The following TMEM236 variants were observed in gnomAD, a reference collection of about 807,000 sequenced individuals.
The protein encoded by TMEM236 is transmembrane protein 236, also known as family with sequence similarity 23, member A.
In TMEM236, 11 loss-of-function variants were observed where a neutral mutation model predicts 14.7. That is an observed-to-expected ratio of 0.75 (90% CI 0.47 to 1.24). TMEM236 has a LOEUF of 1.24. TMEM236 is among the 50% of genes most tolerant of loss of function. The pLI, the probability that TMEM236 is intolerant of heterozygous loss-of-function variation, is 0.00. For missense variants in TMEM236, 464 were observed against 427.3 expected, an observed-to-expected ratio of 1.09 and a Z score of -0.76; for synonymous variants, 182 against 168.6, an observed-to-expected ratio of 1.08 and a Z score of -0.62.
chr10:17,780,198 C>T (rs2131756354), intron 3 of TMEM236, among the ~76,000 whole-genome samples: 1 of 152,278 alleles, frequency 6.6e-6, no homozygotes, highest in Non-Finnish European at 1.5e-5. Context: ...GAGCCAGACT[C>T]CTTTGAGGCA....
chr10:17,782,139 A>G (rs1837761073), intron 3 of TMEM236, among the ~76,000 whole-genome samples: 1 of 150,050 alleles, frequency 6.7e-6, no homozygotes, highest in Non-Finnish European at 1.5e-5. Flanking sequence ...AGGCAGAGTG[A>G]CCCGTCTTGG....
chr10:17,768,377 A>G (rs1248676308), intron 1 of TMEM236, among the ~76,000 whole-genome samples: 3 of 152,198 alleles, frequency 2.0e-5, no homozygotes, highest in Non-Finnish European at 2.9e-5. Flanking sequence ...TTAAAAAAGA[A>G]CCATAAACTG....
rs2130548459 is a variant in TMEM236, at chr10:17,800,637, T to TA, written c.*4135dup. ...GGCACTATGCTGTTTGCCTAATACA[T>TA]AATTGCCTTGTGCTGTGTACCTTGG... On this transcript the variant is annotated 3_prime_UTR_variant, in exon 4 of 4. Coordinates refer to ENST00000377495, the MANE Select transcript of TMEM236 (RefSeq NM_001098844.3). 1 of 152,324 alleles carries TA rather than the reference T, an allele frequency of 6.6e-6. No individual in the cohort carries two copies. Among genetic ancestry groups the TA allele is most frequent in the East Asian group, 1.9e-4 (1 of 5,192 alleles). 9.4% of individuals were successfully genotyped at this position (152,324 alleles called of 1,614,324 possible). A position where few individuals can be genotyped will look rare whatever the true frequency, so the allele number is the denominator to read the frequency against.
At chr10:17,755,336 T>A (rs1837270501) in intron 1 of TMEM236, among the ~76,000 whole-genome samples, 1 of 151,890 alleles carries the variant, frequency 6.6e-6, no homozygotes, top group African/African-American at 2.4e-5. Context: ...AGGGCAGAAA[T>A]GTAAAAATAA....
At chr10:17,756,368 C>T (rs936627972) in intron 1 of TMEM236, among the ~76,000 whole-genome samples, 5 of 151,812 alleles carry the variant, frequency 3.3e-5, no homozygotes, top group African/African-American at 1.2e-4. Flanking sequence ...GCGATCTAGG[C>T]TCCCTGTACC....
chr10:17,795,546 CT>C (rs1316535905), intron 3 of TMEM236, among the ~76,000 whole-genome samples: 1 of 152,184 alleles, frequency 6.6e-6, no homozygotes, highest in Admixed American at 6.5e-5. Flanking sequence ...CACCAAGAGC[CT>C]TCTCCACCTC....
chr10:17,766,672 G>A (rs186859328), intron 1 of TMEM236, among the ~76,000 whole-genome samples: 44 of 152,226 alleles, frequency 2.9e-4, no homozygotes, highest in East Asian at 2.1e-3. Flanking sequence ...CATTGCAGTC[G>A]CAAAATTGGC....
rs941377520 is a variant in TMEM236 at position 17,781,623 on chromosome 10, G to A, written c.472+5453G>A. Among the ~76,000 whole-genome samples, 1,435 of 151,856 alleles carry A rather than the reference G, an allele frequency of 9.4e-3. 27 individuals carry two copies. The highest frequency in any genetic ancestry group is 0.033 in the African/African-American group (1,364 of 41,414). On this transcript the variant is annotated intron_variant, in intron 3 of 3. Transcript: ENST00000377495. ...TGGTTGGCCGTGGTGGCATGCGCCT[G>A]TAATACCAGCTACTGGGGAGGCTGA...
intron 3 of TMEM236, among the ~76,000 whole-genome samples, chr10:17,779,572 G>C (rs891386462): frequency 2.6e-4 from 40 of 152,152 alleles, no homozygotes; most frequent in Admixed American, 5.2e-4. Context: ...CACCATGCCT[G>C]GCTAATTTTT....
At chr10:17,767,030 C>A (rs1589142723) in intron 1 of TMEM236, among the ~76,000 whole-genome samples, 1 of 152,158 alleles carries the variant, frequency 6.6e-6, no homozygotes, top group South Asian at 2.1e-4. Context: ...TTAGGACCCA[C>A]CTTAATGATC....
Position 17,760,306 on chromosome 10 carries a change from A to G in TMEM236, c.257+7754A>G, listed in dbSNP as rs925688534. On this transcript the variant is annotated intron_variant, in intron 1 of 3. Coordinates refer to ENST00000377495, the MANE Select transcript of TMEM236 (RefSeq NM_001098844.3). ...ACTATTTGTATTTTCTAAAAATCAT[A>G]TATTTTTGTCCTTGATCTCTTTTTC... Among the ~76,000 whole-genome samples the G allele has an allele frequency of 1.9e-4, 28 of 151,122 alleles. No individual in the cohort carries two copies. The South Asian group carries it at 1.9e-3, about 10-fold the overall frequency.
chr10:17,758,092 T>C (rs1228334666), intron 1 of TMEM236, among the ~76,000 whole-genome samples: 1 of 152,188 alleles, frequency 6.6e-6, no homozygotes, highest in African/African-American at 2.4e-5. Context: ...GCTTTTAATG[T>C]CATTAACATA....
chr10:17,759,696 C>A (rs1467365956), intron 1 of TMEM236, among the ~76,000 whole-genome samples: 5 of 152,036 alleles, frequency 3.3e-5, no homozygotes, highest in African/African-American at 1.2e-4. Context: ...TGATAGTCTC[C>A]CCTTTAGAAA....
At chr10:17,793,341 A>G (rs782199013) in intron 3 of TMEM236, among the ~76,000 whole-genome samples, 9,506 of 152,256 alleles carry the variant, frequency 0.062, 461 homozygotes, top group Non-Finnish European at 0.098. Context: ...AAAAGCCCAA[A>G]TTATACACTG....
At position 17,776,044 on chromosome 10, in the gene TMEM236, A is replaced by C. The variant is rs1837653565; in HGVS notation, c.346A>C (p.Asn116His). 6.2e-7 allele frequency: 1 copy of C among 1,613,890 alleles called. No homozygotes were observed. Among genetic ancestry groups the C allele is most frequent in the East Asian group, 2.2e-5 (1 of 44,846 alleles). The part of the protein sequence containing the change: ...IAVTEVQKSI[N>H]GSADVLPDML... ...CTCTAAACAGGTTCAAAAGAGCATTAATGGGTCCGCTGATGTCTTACCTGA... is the reference window on the plus strand; with the variant it reads ...CTCTAAACAGGTTCAAAAGAGCATTCATGGGTCCGCTGATGTCTTACCTGA... The change falls in exon 3 of 4, where the codon AAT (asparagine) becomes CAT (histidine). Residue 116 changes from asparagine (N) to histidine (H), a missense_variant. Asn to His is a moderately conservative substitution (Grantham distance 68). Transcript: ENST00000377495.
chr10:17,774,584 C>T (rs995646061), intron 2 of TMEM236, among the ~76,000 whole-genome samples: 1 of 152,150 alleles, frequency 6.6e-6, no homozygotes, highest in African/African-American at 2.4e-5. Context: ...TCTACACTGT[C>T]TTAGTTCTTG....
In TMEM236 at chr10:17,800,368, TTTA is replaced by T. The variant is rs1838076658; in HGVS notation, c.*3867_*3869del. The T allele has an allele frequency of 1.3e-5, 2 of 151,936 alleles. No individual in the cohort carries two copies. The highest frequency in any genetic ancestry group is 4.8e-5 in the African/African-American group (2 of 41,416). The allele number at this position is 151,936 out of a possible 1,614,324, so 9.4% of individuals were successfully genotyped here. On this transcript the variant is annotated 3_prime_UTR_variant, in exon 4 of 4. Coordinates refer to ENST00000377495, the MANE Select transcript of TMEM236 (RefSeq NM_001098844.3). ...AAGTAGTTTTATAATTTTATAAAATTTTATTGATGCTGTAATTTTTATAAAATT... is the reference window on the plus strand; with the variant it reads ...AAGTAGTTTTATAATTTTATAAAATTTTGATGCTGTAATTTTTATAAAATT...
At chr10:17,768,727 A>ATGTGTGTGTG (rs570319904) in intron 1 of TMEM236, among the ~76,000 whole-genome samples, 2,463 of 144,248 alleles carry the variant, frequency 0.017, 28 homozygotes, top group African/African-American at 0.027. Context: ...TATACAACTC[A>ATGTGTGTGTG]TGTGTGTGTG....
chr10:17,792,418 C>G (rs1837941253), intron 3 of TMEM236, among the ~76,000 whole-genome samples: 1 of 152,192 alleles, frequency 6.6e-6, no homozygotes, highest in African/African-American at 2.4e-5. Context: ...TATTGTTTTC[C>G]TGTTCTCTTT....
Sources: gnomAD v4.1 joint callset for allele counts (sites outside exome capture counted in the v4.1 genomes callset) on GRCh38, gnomAD v4.1.1 for gene constraint, MANE v1.5 for transcripts, NCBI Gene and HGNC (gene_info 2026-07-23, HGNC 2026-07-21) for gene names.